The following TRIM7 variants were observed in gnomAD, a reference collection of about 807,000 sequenced individuals.
TRIM7 encodes the protein tripartite motif containing 7.
A neutral mutation model predicts 37.9 loss-of-function variants in TRIM7; 32 were observed. That is an observed-to-expected ratio of 0.84 (90% CI 0.64 to 1.13). The LOEUF is 1.13. Ranked by LOEUF, TRIM7 falls within the 50% of genes most tolerant of loss-of-function variation. The pLI is 0.00. For synonymous variants in TRIM7, 351 were observed against 321.3 expected (o/e 1.09, Z -0.99); for missense variants, 732 against 714.0 (o/e 1.03, Z -0.29).
intron 1 of TRIM7, chr5:181,204,383 G>A: frequency 2.2e-5 from 27 of 1,210,794 alleles, no homozygotes; most frequent in Non-Finnish European, 2.7e-5. Context: ...AGTGGGGGTG[G>A]GGTGGGGGTA....
chr5:181,198,741 T>C lies in TRIM7; in HGVS notation c.937A>G (p.Asn313Asp). The change falls in exon 5 of 7, where the codon AAT becomes GAT. Residue 313 changes from asparagine to aspartate, a missense_variant. Transcript: ENST00000274773. ...AAGACAAAGGTCTTGAGAGAAACAT[T>C]CCAGACTTTATTCTTCATCTCAGAA... ...VSSEMKNKVWNVSLKTFVLKG... is the reference protein window; with the variant it reads ...VSSEMKNKVWDVSLKTFVLKG... 1 of 1,614,074 alleles carries C rather than the reference T, an allele frequency of 6.2e-7. No homozygotes were observed. The highest frequency in any genetic ancestry group is 8.5e-7 in the Non-Finnish European group (1 of 1,179,992).
At chr5:181,203,858 T>G in intron 1 of TRIM7, 1 of 1,306,678 alleles carries the variant, frequency 7.7e-7, no homozygotes, top group Non-Finnish European at 9.7e-7. Flanking sequence ...CCAGCCAGAC[T>G]GAAACACAAG....
In TRIM7 at chr5:181,195,444, G is replaced by C. The variant is rs766983079; in HGVS notation, c.1258C>G (p.Arg420Gly). Residue 420 changes from arginine (R) to glycine (G), a missense_variant, in exon 7 of 7, where the codon CGA becomes GGA. Physicochemically the swap from Arg to Gly is moderately radical, Grantham distance 125. Coordinates refer to ENST00000274773, the MANE Select transcript of TRIM7 (RefSeq NM_203293.3). ...GGAGTGAAGGGCGTCAGGCCCTTTCGGCGCACGCTCTCGCGGGCCACGCCA... is the reference window on the plus strand; with the variant it reads ...GGAGTGAAGGGCGTCAGGCCCTTTCCGCGCACGCTCTCGCGGGCCACGCCA... ...AFGVARESVR[R>G]KGLTPFTPEE... 11 of 1,608,602 alleles carry C rather than the reference G, an allele frequency of 6.8e-6. No individual in the cohort carries two copies. The Admixed American group carries it at 1.3e-4, about 20-fold the overall frequency.
intron 6 of TRIM7, chr5:181,196,909 A>T (rs1329298717): frequency 1.3e-5 from 2 of 152,198 alleles, no homozygotes; most frequent in African/African-American, 4.8e-5. Flanking sequence ...TTGTAATCCT[A>T]GCACTTTGGG....
Position 181,194,988 on chromosome 5 carries a change from C to T in TRIM7, c.*178G>A. The stretch of plus-strand genomic sequence containing the variant: ...CCCTCAGGAGTCCAAAGCCCCTGTT[C>T]CCCTGCTCGGTTGGCCACAGTCACT... On this transcript the variant is annotated 3_prime_UTR_variant, in exon 7 of 7. Coordinates refer to ENST00000274773, the MANE Select transcript of TRIM7 (RefSeq NM_203293.3). The T allele has an allele frequency of 1.4e-6, 1 of 703,612 alleles. No homozygotes were observed. The highest frequency in any genetic ancestry group is 2.9e-5 in the East Asian group (1 of 34,884). 43.6% of individuals were successfully genotyped at this position (703,612 alleles called of 1,614,324 possible). A position where few individuals can be genotyped will look rare whatever the true frequency, so the allele number is the denominator to read the frequency against.
At chr5:181,198,303 A>C in intron 5 of TRIM7, 85 bp from the exon 6 acceptor site, 2 of 1,384,084 alleles carry the variant, frequency 1.4e-6, no homozygotes, top group Non-Finnish European at 2.0e-6. Context: ...ATCCCAACTG[A>C]CTCATTCATT....
chr5:181,203,388 T>G, intron 2 of TRIM7, 157 bp downstream of exon 2: 2 of 1,467,442 alleles, frequency 1.4e-6, no homozygotes, highest in Non-Finnish European at 1.8e-6. Flanking sequence ...GTACAACAAT[T>G]ATGTGGACAC....
chr5:181,202,752 A>G (rs1582237423), intron 2 of TRIM7: 1 of 146,158 alleles, frequency 6.8e-6, no homozygotes, highest in East Asian at 2.0e-4. Flanking sequence ...TTTAGTAGAG[A>G]CAGGGGTTTC....
chr5:181,198,974 C>T, intron 4 of TRIM7, 121 bp downstream of exon 4: 1 of 1,405,930 alleles, frequency 7.1e-7, no homozygotes, highest in South Asian at 1.2e-5. Context: ...TCGGAAGGTC[C>T]CCAGGCAAGC....
intron 1 of TRIM7, 51 bp downstream of exon 1, chr5:181,204,538 C>G: frequency 7.6e-7 from 1 of 1,307,396 alleles, no homozygotes; most frequent in Non-Finnish European, 9.6e-7. Flanking sequence ...GAGCGCGGGA[C>G]CAAGTCAGGG....
rs1045624557 is a variant in TRIM7, at chr5:181,198,675, C to T, written c.988+15G>A. The T allele has an allele frequency of 1.3e-5, 21 of 1,589,516 alleles. No homozygotes were observed. Among genetic ancestry groups the T allele is most frequent in the Middle Eastern group, 3.3e-4 (2 of 6,016 alleles). ...CACCGCACTATGTGGCCCAGCTTGGCGCCCAGGCCCCTACCTTTGAACTTC... is the reference window on the plus strand; with the variant it reads ...CACCGCACTATGTGGCCCAGCTTGGTGCCCAGGCCCCTACCTTTGAACTTC... On this transcript the variant is annotated intron_variant, in intron 5 of 6. Coordinates refer to ENST00000274773, the MANE Select transcript of TRIM7 (RefSeq NM_203293.3).
chr5:181,203,591 C>T lies in TRIM7; in HGVS notation c.572G>A (p.Cys191Tyr), dbSNP rs763726176. The part of the protein sequence containing the change: ...LRVLKKELED[C>Y]EVFRSTEKKE... ...CTTTTCCGTGGACCGGAACACCTCA[C>T]AGTCCTCCAGTTCCTTCTTCAAGAC... The change falls in exon 2 of 7, where the codon TGT becomes TAT. Residue 191 changes from cysteine (C) to tyrosine (Y), a missense_variant. Physicochemically the swap from Cys to Tyr is radical, Grantham distance 194. Coordinates refer to ENST00000274773, the MANE Select transcript of TRIM7 (RefSeq NM_203293.3). The T allele has an allele frequency of 6.2e-7, 1 of 1,614,092 alleles. No homozygotes were observed. The highest frequency in any genetic ancestry group is 8.5e-7 in the Non-Finnish European group (1 of 1,180,010).
At position 181,204,773 on chromosome 5, in the gene TRIM7, G is replaced by A; in HGVS notation, c.338C>T (p.Pro113Leu). ...GGCCGCCTGAGACCCGTGCTCTCCCGGGGCAGCCGCGGGCAGGCTGAAGCG... is the reference window on the plus strand; with the variant it reads ...GGCCGCCTGAGACCCGTGCTCTCCCAGGGCAGCCGCGGGCAGGCTGAAGCG... Reference protein sequence around the residue: ...LRRFSLPAAAPGEHGSQAAAA... With the variant: ...LRRFSLPAAALGEHGSQAAAA... The change falls in exon 1 of 7, where the codon CCG becomes CTG. Residue 113 changes from proline to leucine, a missense_variant. Coordinates refer to ENST00000274773, the MANE Select transcript of TRIM7 (RefSeq NM_203293.3). 2 of 1,435,008 alleles carry A rather than the reference G, an allele frequency of 1.4e-6. No individual in the cohort carries two copies. Among genetic ancestry groups the A allele is most frequent in the Admixed American group, 2.8e-5 (1 of 35,344 alleles). 88.9% of individuals were successfully genotyped at this position (1,435,008 alleles called of 1,614,324 possible).
chr5:181,195,930 T>G, intron 6 of TRIM7: 1 of 433,746 alleles, frequency 2.3e-6, no homozygotes, highest in Admixed American at 4.0e-5. Context: ...GAACCCCAAT[T>G]CAACAGATGG....
At position 181,205,125 on chromosome 5, in the gene TRIM7, C is replaced by T; in HGVS notation, c.-15G>A. ...ACAGCCGCCATGCGCGCTCTCCGCG[C>T]ACCCAGATCTGGTCGCGCCTGGGCG... On this transcript the variant is annotated 5_prime_UTR_variant, in exon 1 of 7. Coordinates refer to ENST00000274773, the MANE Select transcript of TRIM7 (RefSeq NM_203293.3). 3 of 1,298,846 alleles carry T rather than the reference C, an allele frequency of 2.3e-6. No individual in the cohort carries two copies. The highest frequency in any genetic ancestry group is 2.0e-6 in the Non-Finnish European group (2 of 1,023,930). The allele number at this position is 1,298,846 out of a possible 1,614,324, so 80.5% of individuals were successfully genotyped here. A position where few individuals can be genotyped will look rare whatever the true frequency, so the allele number is the denominator to read the frequency against.
chr5:181,200,476 TTA>T, intron 2 of TRIM7: 5 of 1,137,244 alleles, frequency 4.4e-6, no homozygotes, highest in Non-Finnish European at 5.4e-6. Context: ...TCAAGCACAT[TTA>T]TTTCATCACC....
At position 181,204,930 on chromosome 5, in the gene TRIM7, C is replaced by T; in HGVS notation, c.181G>A (p.Gly61Ser). ...ACIGRCWERP[G>S]AGSVGAATRA... ...GTGGCGGCCCCAACAGACCCCGCGC[C>T]CGGGCGCTCCCAGCAGCGCCCTATG... The change falls in exon 1 of 7, where the codon GGC becomes AGC. Residue 61 changes from glycine to serine, a missense_variant. Transcript: ENST00000274773. 1 of 1,408,628 alleles carries T rather than the reference C, an allele frequency of 7.1e-7. No individual in the cohort carries two copies. Among genetic ancestry groups the T allele is most frequent in the Non-Finnish European group, 9.2e-7 (1 of 1,092,000 alleles). The allele number at this position is 1,408,628 out of a possible 1,614,324, so 87.3% of individuals were successfully genotyped here. A position where few individuals can be genotyped will look rare whatever the true frequency, so the allele number is the denominator to read the frequency against.
Position 181,195,633 on chromosome 5 carries a change from G to A in TRIM7, c.1069C>T (p.Leu357Phe), listed in dbSNP as rs138823350. The A allele has an allele frequency of 6.5e-7, 1 of 1,548,934 alleles. No individual in the cohort carries two copies. The highest frequency in any genetic ancestry group is 1.9e-5 in the Admixed American group (1 of 52,754). Reference protein sequence around the residue: ...DPDTANPRLILSLDLKGVRLG... With the variant: ...DPDTANPRLIFSLDLKGVRLG... ...CGCACGCCCTTAAGATCCAGAGAGAGGATGAGGCGCGGGTTGGCCGTGTCG... is the reference window on the plus strand; with the variant it reads ...CGCACGCCCTTAAGATCCAGAGAGAAGATGAGGCGCGGGTTGGCCGTGTCG... Residue 357 changes from leucine (L) to phenylalanine (F), a missense_variant, in exon 7 of 7, where the codon CTC (leucine) becomes TTC (phenylalanine). Transcript: ENST00000274773.
intron 4 of TRIM7, 45 bp from the exon 5 acceptor site, chr5:181,198,850 C>T (rs1582228526): frequency 1.4e-6 from 2 of 1,456,270 alleles, no homozygotes; most frequent in African/African-American, 2.8e-5. Flanking sequence ...CACCATTTTG[C>T]TCCCACAGGC....
Sources: gnomAD v4.1 joint callset for allele counts on GRCh38, gnomAD v4.1.1 for gene constraint, MANE v1.5 for transcripts, NCBI Gene and HGNC (gene_info 2026-07-23, HGNC 2026-07-21) for gene names.